The following FAT4 variants were observed in gnomAD, a reference collection of about 807,000 sequenced individuals.
FAT4 encodes the protein protocadherin Fat 4.
Under a neutral mutation model 303.9 loss-of-function variants are expected in FAT4, and 84 were observed. That is an observed-to-expected ratio of 0.28 (90% confidence interval 0.23 to 0.33). FAT4 has a LOEUF of 0.33. Ranked by LOEUF, FAT4 falls within the 10% of genes least tolerant of loss-of-function variation. FAT4 has a pLI of 1.00. For missense variants in FAT4, 6,005 were observed against 6,146.8 expected (o/e 0.98, Z 0.77); for synonymous variants, 2,307 against 2,298.8 (o/e 1.00, Z -0.10).
rs1378868669 is a variant in FAT4 at position 125,452,005 on chromosome 4, G to A, written c.10995G>A (p.Gly3665=). 2 of 1,614,034 alleles carry A rather than the reference G, an allele frequency of 1.2e-6. No homozygotes were observed. Among genetic ancestry groups the A allele is most frequent in the Non-Finnish European group, 1.7e-6 (2 of 1,180,012 alleles). Residue 3665 remains glycine (G), a synonymous_variant, in exon 10 of 18, where the codon GGG becomes GGA. Transcript: ENST00000394329. ...TTACCAGCCTCTTCAGTATTCCAGG[G>A]GGTACTTGTGATCTGAATTCCCAGC... is the stretch of plus-strand genomic sequence containing the variant. ...SGVTSLFSIP[G]GTCDLNSQPR... is the part of the protein sequence containing the mutation.
intron 2 of FAT4, among the ~76,000 whole-genome samples, chr4:125,367,123 C>G (rs773151583): frequency 2.8e-4 from 43 of 151,776 alleles, no homozygotes; most frequent in Non-Finnish European, 4.6e-4. Flanking sequence ...TATAAATAAA[C>G]CAGAAGTTTC....
At chr4:125,457,155 A>ACC (rs33959027) in intron 10 of FAT4, among the ~76,000 whole-genome samples, 62,152 of 124,706 alleles carry the variant, frequency 0.5, 19,152 homozygotes, top group Non-Finnish European at 0.59. Context: ...ACACACACAC[A>ACC]CCACTGAGTA....
At chr4:125,376,600 A>AAAAT (rs1383050824) in intron 2 of FAT4, among the ~76,000 whole-genome samples, 6 of 152,302 alleles carry the variant, frequency 3.9e-5, no homozygotes, top group South Asian at 2.1e-4. Flanking sequence ...AGTATAATTA[A>AAAAT]AAATAAATAA....
At chr4:125,447,643 AC>A (rs1725871064) in intron 9 of FAT4, among the ~76,000 whole-genome samples, 1 of 152,060 alleles carries the variant, frequency 6.6e-6, no homozygotes, top group Non-Finnish European at 1.5e-5. Flanking sequence ...TACTTTTGTT[AC>A]CGTTTCTTCT....
At chr4:125,347,793 A>G (rs1732062396) in intron 2 of FAT4, among the ~76,000 whole-genome samples, 1 of 151,720 alleles carries the variant, frequency 6.6e-6, no homozygotes, top group African/African-American at 2.4e-5. Flanking sequence ...AAGACCCAAG[A>G]CTTTATAGTA....
intron 2 of FAT4, among the ~76,000 whole-genome samples, chr4:125,382,253 A>G (rs935598325): frequency 6.6e-6 from 1 of 152,180 alleles, no homozygotes; most frequent in Non-Finnish European, 1.5e-5. Flanking sequence ...TTCATCAGAG[A>G]AATCACTATC....
chr4:125,382,769 T>A (rs1303560267), intron 2 of FAT4, among the ~76,000 whole-genome samples: 1 of 152,216 alleles, frequency 6.6e-6, no homozygotes, highest in Non-Finnish European at 1.5e-5. Flanking sequence ...AGGCTGTTCA[T>A]CTACATTGAA....
intron 2 of FAT4, among the ~76,000 whole-genome samples, chr4:125,352,694 A>G (rs887911042): frequency 2.0e-5 from 3 of 151,758 alleles, no homozygotes; most frequent in Admixed American, 1.3e-4. Context: ...TTGCTTCCCC[A>G]TATGTGCAAT....
At chr4:125,325,640 ATATTGC>A (rs1578523475) in intron 2 of FAT4, among the ~76,000 whole-genome samples, 1 of 152,220 alleles carries the variant, frequency 6.6e-6, no homozygotes, top group African/African-American at 2.4e-5. Flanking sequence ...CTTTGTGCAC[ATATTGC>A]TTTGTGTCAC....
In FAT4 at chr4:125,320,340, A is replaced by G. The variant is rs1454713802; in HGVS notation, c.3929A>G (p.Asp1310Gly). Residue 1310 changes from aspartate to glycine, a missense_variant, in exon 2 of 18, where the codon GAC becomes GGC. Coordinates refer to ENST00000394329, the MANE Select transcript of FAT4 (RefSeq NM_001291303.3). The stretch of plus-strand genomic sequence containing the variant: ...AATATTGATATTTTAGATGAAAATG[A>G]CAATACCCCTTCTTTCCCTAAATCA... ...TLNIDILDEN[D>G]NTPSFPKSTL... 1.2e-6 allele frequency: 2 copies of G among 1,613,404 alleles called. No homozygotes were observed. Among genetic ancestry groups the G allele is most frequent in the Admixed American group, 3.3e-5 (2 of 60,020 alleles).
intron 2 of FAT4, among the ~76,000 whole-genome samples, chr4:125,385,598 A>G (rs1733717668): frequency 6.6e-6 from 1 of 152,184 alleles, no homozygotes; most frequent in South Asian, 2.1e-4. Context: ...ATAGTTATAT[A>G]GTCATAAATT....
chr4:125,403,794 T>C (rs2126016829), intron 3 of FAT4, among the ~76,000 whole-genome samples: 1 of 152,294 alleles, frequency 6.6e-6, no homozygotes, highest in East Asian at 1.9e-4. Flanking sequence ...TTTTTCTTTT[T>C]TGCTTTTACT....
At chr4:125,443,882 G>A (rs996411381) in intron 8 of FAT4, among the ~76,000 whole-genome samples, 5 of 152,206 alleles carry the variant, frequency 3.3e-5, no homozygotes, top group African/African-American at 7.2e-5. Context: ...GTCGATCTAC[G>A]TACAGAGCTT....
chr4:125,443,379 A>G (rs1725724221), intron 8 of FAT4, among the ~76,000 whole-genome samples: 1 of 152,160 alleles, frequency 6.6e-6, no homozygotes. Flanking sequence ...TGGCCTTCGC[A>G]ATTGGTACAT....
Position 125,489,965 on chromosome 4 carries a change from G to A in FAT4, c.13149G>A (p.Lys4383=), listed in dbSNP as rs757384256. Residue 4383 remains lysine (K), a synonymous_variant, in exon 18 of 18, where the codon AAG becomes AAA. Transcript: ENST00000394329. The part of the protein sequence containing the change: ...YGGESLPFSG[K]HSLASISKTD... ...GAGAAAGTCTTCCTTTCAGCGGGAA[G>A]CATAGCTTGGCCTCCATCTCAAAAA... is the stretch of plus-strand genomic sequence containing the variant. 6 of 1,611,376 alleles carry A rather than the reference G, an allele frequency of 3.7e-6. No homozygotes were observed. The highest frequency in any genetic ancestry group is 5.1e-6 in the Non-Finnish European group (6 of 1,179,602).
intron 2 of FAT4, among the ~76,000 whole-genome samples, chr4:125,396,914 GTA>G (rs1436148727): frequency 1.4e-4 from 14 of 102,110 alleles, no homozygotes; most frequent in Non-Finnish European, 2.2e-4. Context: ...ATATGTATGT[GTA>G]TGTGTGTGTG....
In FAT4 at chr4:125,449,996, A is replaced by G. The variant is rs770155214; in HGVS notation, c.8986A>G (p.Lys2996Glu). 6.2e-7 allele frequency: 1 copy of G among 1,613,872 alleles called. No individual in the cohort carries two copies. Residue 2996 changes from lysine to glutamate, a missense_variant, in exon 10 of 18, where the codon AAA becomes GAA. By Grantham distance (56) the Lys-to-Glu change is moderately conservative (BLOSUM62 1). Coordinates refer to ENST00000394329, the MANE Select transcript of FAT4 (RefSeq NM_001291303.3). The stretch of plus-strand genomic sequence containing the variant: ...AAGTAAATATTTCACTCCAGTCACC[A>G]AAAATGTTAAGGTTGGTACGAAGTT... ...LKSKYFTPVT[K>E]NVKVGTKLIR... is the part of the protein sequence containing the mutation.
chr4:125,411,843 T>C (rs1353299260), intron 5 of FAT4, among the ~76,000 whole-genome samples: 1 of 33,424 alleles, frequency 3.0e-5, no homozygotes, highest in Admixed American at 4.7e-4. Flanking sequence ...ATATATAGTG[T>C]GTGTGTATGT....
chr4:125,367,911 C>G (rs554608910), intron 2 of FAT4, among the ~76,000 whole-genome samples: 2 of 152,194 alleles, frequency 1.3e-5, no homozygotes, highest in East Asian at 3.9e-4. Context: ...TCTACTCTGA[C>G]TCAGGTAGGT....
Sources: allele counts gnomAD v4.1 joint callset (sites outside exome capture counted in the v4.1 genomes callset), GRCh38; gene constraint gnomAD v4.1.1; transcripts MANE v1.5; gene names NCBI Gene and HGNC (gene_info 2026-07-23, HGNC 2026-07-21).